The following NUDT3 variants were observed in gnomAD, a reference collection of about 807,000 sequenced individuals.
The protein encoded by NUDT3 is diphosphoinositol polyphosphate phosphohydrolase 1.
NUDT3 carries 9 observed loss-of-function variants against 23.6 expected under a neutral mutation model. That is an observed-to-expected ratio of 0.38 (90% CI 0.23 to 0.66). NUDT3 has a LOEUF of 0.66. Among genes scored for constraint, NUDT3 ranks in the 30% least tolerant of loss-of-function variants. The pLI, the probability that NUDT3 is intolerant of heterozygous loss-of-function variation, is 0.52. For missense variants in NUDT3, 172 were observed against 218.5 expected, an observed-to-expected ratio of 0.79 and a Z score of 1.34; for synonymous variants, 86 against 82.6, an observed-to-expected ratio of 1.04 and a Z score of -0.22.
intron 1 of NUDT3, among the ~76,000 whole-genome samples, chr6:34,361,185 G>A (rs1764645445): frequency 6.6e-6 from 1 of 152,108 alleles, no homozygotes; most frequent in South Asian, 2.1e-4. Flanking sequence ...CACACCACTG[G>A]CACTCTAGCC....
intron 1 of NUDT3, among the ~76,000 whole-genome samples, chr6:34,391,742 G>A (rs1765202665): frequency 6.6e-6 from 1 of 151,064 alleles, no homozygotes; most frequent in South Asian, 2.1e-4. Context: ...ATCTTCCGAA[G>A]ACACCCCACC....
chr6:34,318,749 G>A (rs1763897401), intron 2 of NUDT3, among the ~76,000 whole-genome samples: 1 of 151,870 alleles, frequency 6.6e-6, no homozygotes. Flanking sequence ...TTTAACTGGA[G>A]ATGAAGTCTC....
At chr6:34,379,940 G>C (rs1268732637) in intron 1 of NUDT3, among the ~76,000 whole-genome samples, 2 of 151,744 alleles carry the variant, frequency 1.3e-5, no homozygotes, top group African/African-American at 2.4e-5. Context: ...CTGGGAGGTG[G>C]AGGTTGCAAC....
chr6:34,283,953 G>T lies in NUDT3; in HGVS notation c.*4800C>A, dbSNP rs1763307631. ...GCAAAACTCACGAAACAGCACAGAG[G>T]ATGACTCTAGGGTGCTCTCCCACTT... On this transcript the variant is annotated 3_prime_UTR_variant, in exon 5 of 5. Coordinates refer to ENST00000607016, the MANE Select transcript of NUDT3 (RefSeq NM_006703.4). 6.6e-6 allele frequency: 1 copy of T among 152,216 alleles called. No homozygotes were observed. The highest frequency in any genetic ancestry group is 1.5e-5 in the Non-Finnish European group (1 of 68,060). The allele number at this position is 152,216 out of a possible 1,614,324, so 9.4% of individuals were successfully genotyped here. A position where few individuals can be genotyped will look rare whatever the true frequency, so the allele number is the denominator to read the frequency against.
At chr6:34,291,782 C>T (rs976969634) in intron 4 of NUDT3, among the ~76,000 whole-genome samples, 3 of 152,144 alleles carry the variant, frequency 2.0e-5, no homozygotes, top group Admixed American at 6.5e-5. Context: ...GGATTACAGG[C>T]GTGAGCCACT....
intron 1 of NUDT3, among the ~76,000 whole-genome samples, chr6:34,376,875 C>G (rs1764931315): frequency 6.6e-6 from 1 of 152,196 alleles, no homozygotes; most frequent in East Asian, 1.9e-4. Context: ...GCTGACACCC[C>G]TTATCACTCC....
chr6:34,353,526 C>T (rs535725548), intron 1 of NUDT3, among the ~76,000 whole-genome samples: 2 of 151,786 alleles, frequency 1.3e-5, no homozygotes, highest in Admixed American at 6.6e-5. Context: ...CTCAGCCTCC[C>T]GAGTAGCTGG....
At chr6:34,327,329 G>C (rs550243942) in intron 2 of NUDT3, among the ~76,000 whole-genome samples, 1 of 152,042 alleles carries the variant, frequency 6.6e-6, no homozygotes, top group South Asian at 2.1e-4. Context: ...AAGAGATCGA[G>C]ACCATCCTGG....
chr6:34,378,367 CA>C (rs1286986857), intron 1 of NUDT3, among the ~76,000 whole-genome samples: 1 of 152,068 alleles, frequency 6.6e-6, no homozygotes, highest in African/African-American at 2.4e-5. Context: ...CTCCCACACA[CA>C]AAAAAACTTC....
intron 2 of NUDT3, among the ~76,000 whole-genome samples, chr6:34,317,856 C>G (rs752617752): frequency 6.6e-6 from 1 of 152,162 alleles, no homozygotes; most frequent in Non-Finnish European, 1.5e-5. Context: ...GTCAAAGTGT[C>G]TTTTAACCCT....
chr6:34,309,357 A>C (rs1044861452), intron 2 of NUDT3, among the ~76,000 whole-genome samples: 2 of 152,298 alleles, frequency 1.3e-5, no homozygotes, highest in Non-Finnish European at 2.9e-5. Context: ...AAAAATAAAA[A>C]TATAACATCA....
intron 2 of NUDT3, among the ~76,000 whole-genome samples, chr6:34,338,860 G>A (rs1764248657): frequency 6.6e-6 from 1 of 152,212 alleles, no homozygotes. Flanking sequence ...ATCTGGTTGG[G>A]TCAAAATTCT....
In NUDT3 at chr6:34,360,295, C is replaced by T. The variant is rs1309692455; in HGVS notation, c.100-18323G>A. 2.7e-5 allele frequency among the ~76,000 whole-genome samples: 4 copies of T among 149,330 alleles called. 1 individual carries two copies. Among genetic ancestry groups the T allele is most frequent in the Admixed American group, 6.6e-5 (1 of 15,102 alleles). ...AAACAAAACAAAACAAAACAAACGCCGGGCACAGTGGCTCACACCTGCAAT... is the reference window on the plus strand; with the variant it reads ...AAACAAAACAAAACAAAACAAACGCTGGGCACAGTGGCTCACACCTGCAAT... On this transcript the variant is annotated intron_variant, in intron 1 of 4. Coordinates refer to ENST00000607016, the MANE Select transcript of NUDT3 (RefSeq NM_006703.4).
In NUDT3 at chr6:34,311,012, G is replaced by A. The variant is rs117977451; in HGVS notation, c.211-15327C>T. Among the ~76,000 whole-genome samples, 105 of 148,462 alleles carry A rather than the reference G, an allele frequency of 7.1e-4. 1 individual carries two copies. In the East Asian group the frequency reaches 0.011, roughly 16 times the overall value. On this transcript the variant is annotated intron_variant, in intron 2 of 4. Coordinates refer to ENST00000607016, the MANE Select transcript of NUDT3 (RefSeq NM_006703.4). ...GAAGGAAAAAAAAAAAAAAACTCTC[G>A]ACAAACTAGGAACAGAGGAAGACTT...
rs537527798 is a variant in NUDT3, at chr6:34,345,781, G to A, written c.100-3809C>T. Among the ~76,000 whole-genome samples the A allele has an allele frequency of 2.0e-5, 3 of 150,450 alleles. No individual in the cohort carries two copies. The South Asian group carries it at 6.3e-4, about 32-fold the overall frequency. Reference sequence around the variant, plus strand: ...CCTTACTTTTGTTTTGTTTTGTTTTGTTTTGAGACGGAGTTTTGCTCTTGT... The same window carrying A: ...CCTTACTTTTGTTTTGTTTTGTTTTATTTTGAGACGGAGTTTTGCTCTTGT... On this transcript the variant is annotated intron_variant, in intron 1 of 4. Coordinates refer to ENST00000607016, the MANE Select transcript of NUDT3 (RefSeq NM_006703.4).
intron 2 of NUDT3, among the ~76,000 whole-genome samples, chr6:34,305,578 A>T (rs1242596223): frequency 1.3e-5 from 2 of 151,692 alleles, no homozygotes; most frequent in African/African-American, 4.8e-5. Flanking sequence ...CTGTCCCTTT[A>T]CTTCCTTTGG....
In NUDT3 at chr6:34,370,131, T is replaced by C. The variant is rs114462813; in HGVS notation, c.99+22133A>G. 9.7e-3 allele frequency among the ~76,000 whole-genome samples: 1,480 copies of C among 152,336 alleles called. 27 individuals are homozygous for C. The highest frequency in any genetic ancestry group is 0.034 in the African/African-American group (1,401 of 41,574). On this transcript the variant is annotated intron_variant, in intron 1 of 4. Transcript: ENST00000607016. ...ATCCAAACAGATTATCCATAGAACA[T>C]TTATGACCATTTGCACCTGCCCTAA...
At chr6:34,332,693 A>T (rs1414215571) in intron 2 of NUDT3, among the ~76,000 whole-genome samples, 4 of 152,238 alleles carry the variant, frequency 2.6e-5, no homozygotes, top group African/African-American at 9.6e-5. Flanking sequence ...GCCACTTTAT[A>T]TAAGGCGCTT....
At position 34,295,633 on chromosome 6, in the gene NUDT3, A is replaced by C; in HGVS notation, c.255+8T>G. On this transcript the variant is annotated splice_region_variant and intron_variant, in intron 3 of 4. Transcript: ENST00000607016. ...TATCATTTGTACCAAAGATTTTAAC[A>C]GACTTACCTCAAAAATTCCAACTAA... is the stretch of plus-strand genomic sequence containing the variant. 2.5e-6 allele frequency: 4 copies of C among 1,613,878 alleles called. No individual in the cohort carries two copies. Among genetic ancestry groups the C allele is most frequent in the Non-Finnish European group, 3.4e-6 (4 of 1,179,886 alleles).
Sources: allele counts gnomAD v4.1 joint callset (sites outside exome capture counted in the v4.1 genomes callset), GRCh38; gene constraint gnomAD v4.1.1; transcripts MANE v1.5; gene names NCBI Gene and HGNC (gene_info 2026-07-23, HGNC 2026-07-21).